Variants in ZNF804A observed in about 807,000 individuals in gnomAD.
ZNF804A encodes the protein zinc finger protein 804A.
Under a neutral mutation model 16.5 loss-of-function variants are expected in ZNF804A, and 2 were observed. That is an observed-to-expected ratio of 0.12 (90% confidence interval 0.05 to 0.38). The LOEUF (loss-of-function observed/expected upper bound fraction) is 0.38, where lower values mean the gene tolerates loss of function less well. Ranked by LOEUF, ZNF804A falls within the 10% of genes least tolerant of loss-of-function variation. The pLI, the probability that ZNF804A is intolerant of heterozygous loss-of-function variation, is 0.99. For synonymous variants in ZNF804A, 534 were observed against 489.6 expected, an observed-to-expected ratio of 1.09 and a Z score of -1.20; for missense variants, 1,473 against 1,390.7, an observed-to-expected ratio of 1.06 and a Z score of -0.94.
chr2:184,682,134 CTGGGTGCCA>C (rs1354749863), intron 1 of ZNF804A, among the ~76,000 whole-genome samples: 1 of 152,164 alleles, frequency 6.6e-6, no homozygotes, highest in African/African-American at 2.4e-5. Flanking sequence ...CATGAACAGC[CTGGGTGCCA>C]TGGGTGGAGT....
chr2:184,678,790 T>G (rs1427059317), intron 1 of ZNF804A, among the ~76,000 whole-genome samples: 2 of 152,180 alleles, frequency 1.3e-5, no homozygotes, highest in African/African-American at 4.8e-5. Flanking sequence ...TACCAAAATG[T>G]ATGTGTAACA....
At chr2:184,857,002 G>A (rs779574684) in intron 1 of ZNF804A, among the ~76,000 whole-genome samples, 10 of 151,768 alleles carry the variant, frequency 6.6e-5, no homozygotes, top group Admixed American at 1.3e-4. Context: ...TTACTATTTC[G>A]TTCCTTCTGC....
chr2:184,687,468 C>G (rs1324066876), intron 1 of ZNF804A, among the ~76,000 whole-genome samples: 1 of 152,108 alleles, frequency 6.6e-6, no homozygotes, highest in Non-Finnish European at 1.5e-5. Flanking sequence ...TGAAAGATGT[C>G]AATATGTTGT....
At chr2:184,838,958 C>A (rs1425995573) in intron 1 of ZNF804A, among the ~76,000 whole-genome samples, 2 of 152,070 alleles carry the variant, frequency 1.3e-5, no homozygotes, top group Non-Finnish European at 2.9e-5. Context: ...ATGATAGAAT[C>A]TACCTAGGCT....
At chr2:184,903,770 G>A (rs1292918247) in intron 2 of ZNF804A, among the ~76,000 whole-genome samples, 1 of 152,062 alleles carries the variant, frequency 6.6e-6, no homozygotes, top group Admixed American at 6.6e-5. Flanking sequence ...ACAACTTGAT[G>A]AGTTTGGACA....
chr2:184,660,013 AAGCAGAAGGCTCTCTTGAGCCCAG>A (rs1692144060), intron 1 of ZNF804A, among the ~76,000 whole-genome samples: 1 of 152,190 alleles, frequency 6.6e-6, no homozygotes, highest in Non-Finnish European at 1.5e-5. Flanking sequence ...CCGAAGGCTG[AAGCAGAAGGCTCTCTTGAGCCCAG>A]GAGTTCAAGG....
intron 1 of ZNF804A, among the ~76,000 whole-genome samples, chr2:184,695,302 A>C (rs1692812870): frequency 6.6e-6 from 1 of 151,802 alleles, no homozygotes; most frequent in Non-Finnish European, 1.5e-5. Flanking sequence ...TCTACTAAAA[A>C]TACAAAAAAT....
chr2:184,666,556 A>G (rs543197655), intron 1 of ZNF804A, among the ~76,000 whole-genome samples: 1 of 152,212 alleles, frequency 6.6e-6, no homozygotes, highest in South Asian at 2.1e-4. Context: ...ATAGTATTAA[A>G]CACTATGTTA....
At chr2:184,607,913 C>A (rs535228667) in intron 1 of ZNF804A, among the ~76,000 whole-genome samples, 1 of 146,064 alleles carries the variant, frequency 6.8e-6, no homozygotes, top group African/African-American at 2.5e-5. Flanking sequence ...TAACTGCACA[C>A]CATGGAGAAC....
chr2:184,876,169 A>G (rs1367329855), intron 2 of ZNF804A, among the ~76,000 whole-genome samples: 2 of 152,190 alleles, frequency 1.3e-5, no homozygotes, highest in Non-Finnish European at 2.9e-5. Context: ...CAGGACTTCT[A>G]TTGCTATAGA....
At chr2:184,769,566 G>A (rs1367267671) in intron 1 of ZNF804A, among the ~76,000 whole-genome samples, 2 of 151,878 alleles carry the variant, frequency 1.3e-5, no homozygotes, top group African/African-American at 2.4e-5. Context: ...AGAAATGGAA[G>A]GTCTGCTATA....
chr2:184,722,320 G>T (rs1211386931), intron 1 of ZNF804A, among the ~76,000 whole-genome samples: 1 of 151,946 alleles, frequency 6.6e-6, no homozygotes, highest in Non-Finnish European at 1.5e-5. Flanking sequence ...TCTTTATGCC[G>T]TGTTTAAGAT....
chr2:184,604,516 A>G (rs1691110612), intron 1 of ZNF804A, among the ~76,000 whole-genome samples: 1 of 152,072 alleles, frequency 6.6e-6, no homozygotes, highest in African/African-American at 2.4e-5. Flanking sequence ...TTCAGGGATG[A>G]CCTAGTCTAG....
chr2:184,685,334 C>T (rs1203263538), intron 1 of ZNF804A, among the ~76,000 whole-genome samples: 4 of 152,058 alleles, frequency 2.6e-5, no homozygotes, highest in Admixed American at 2.6e-4. Flanking sequence ...AGCCGTGGCT[C>T]AGAGATTCCC....
At chr2:184,922,032 G>A (rs1040825834) in intron 2 of ZNF804A, among the ~76,000 whole-genome samples, 2 of 152,070 alleles carry the variant, frequency 1.3e-5, no homozygotes, top group African/African-American at 4.8e-5. Context: ...TGGAGACTTA[G>A]GCTGCTTCCA....
intron 1 of ZNF804A, among the ~76,000 whole-genome samples, chr2:184,637,508 A>T (rs967355732): frequency 1.5e-4 from 23 of 152,308 alleles, no homozygotes; most frequent in Admixed American, 3.9e-4. Flanking sequence ...AAATATAAAA[A>T]GTATAACATT....
At chr2:184,901,147 T>C (rs1184220134) in intron 2 of ZNF804A, among the ~76,000 whole-genome samples, 1 of 152,176 alleles carries the variant, frequency 6.6e-6, no homozygotes, top group Non-Finnish European at 1.5e-5. Flanking sequence ...GAATCTCTTA[T>C]AAAACTATCT....
chr2:184,664,938 G>A (rs9288106), intron 1 of ZNF804A, among the ~76,000 whole-genome samples: 44,125 of 151,988 alleles, frequency 0.29, 6,946 homozygotes, highest in African/African-American at 0.4. Context: ...AAAAACCAGC[G>A]TAGTATACTA....
chr2:184,766,575 T>A (rs1694131207), intron 1 of ZNF804A, among the ~76,000 whole-genome samples: 1 of 151,674 alleles, frequency 6.6e-6, no homozygotes, highest in Non-Finnish European at 1.5e-5. Context: ...TCTGTCTGTA[T>A]CTTTACTGTG....
Sources: allele counts gnomAD v4.1 joint callset (sites outside exome capture counted in the v4.1 genomes callset), GRCh38; gene constraint gnomAD v4.1.1; transcripts MANE v1.5; gene names NCBI Gene and HGNC (gene_info 2026-07-23, HGNC 2026-07-21).